Variants in TDRD9 observed in about 807,000 individuals in gnomAD.
TDRD9 encodes tudor domain containing 9.
TDRD9 carries 124 observed loss-of-function variants against 172.6 expected under a neutral mutation model. That is an observed-to-expected ratio of 0.72 (90% CI 0.62 to 0.83). TDRD9 has a LOEUF of 0.83. TDRD9 is among the 40% of genes least tolerant of loss of function. TDRD9 has a pLI of 0.00. For missense variants in TDRD9, 1,479 were observed against 1,714.1 expected (o/e 0.86, Z 2.42); for synonymous variants, 619 against 617.1 (o/e 1.00, Z -0.05).
intron 35 of TDRD9, chr14:104,049,992 C>A: frequency 3.7e-6 from 1 of 271,576 alleles, no homozygotes; most frequent in Non-Finnish European, 6.9e-6. Context: ...TGAAATGCAC[C>A]TTGGCTGTTC....
intron 22 of TDRD9, among the ~76,000 whole-genome samples, chr14:104,017,094 G>A (rs1358657026): frequency 1.3e-5 from 2 of 152,036 alleles, no homozygotes; most frequent in African/African-American, 2.4e-5. Flanking sequence ...TGGCCATCAG[G>A]TTTGACTAAG....
intron 2 of TDRD9, among the ~76,000 whole-genome samples, chr14:103,961,798 C>G (rs553906208): frequency 5.3e-5 from 8 of 151,916 alleles, no homozygotes; most frequent in Non-Finnish European, 1.0e-4. Context: ...TGTTATTAGA[C>G]CAGTTAGGAA....
At chr14:103,965,602 A>G (rs1314754109) in intron 4 of TDRD9, 48 bp downstream of exon 4, 3 of 1,458,492 alleles carry the variant, frequency 2.1e-6, no homozygotes, top group East Asian at 2.5e-5. Flanking sequence ...CTGTCTCTCT[A>G]TTCCTTAATT....
chr14:103,952,196 A>G (rs1449847676), intron 1 of TDRD9, among the ~76,000 whole-genome samples: 1,493 of 44,234 alleles, frequency 0.034, 64 homozygotes, highest in African/African-American at 0.14. Flanking sequence ...GTGTGTATAT[A>G]TATATATATA....
intron 2 of TDRD9, among the ~76,000 whole-genome samples, chr14:103,960,638 C>T (rs2032464210): frequency 6.6e-6 from 1 of 152,104 alleles, no homozygotes; most frequent in Admixed American, 6.5e-5. Flanking sequence ...TCCTGTCTGC[C>T]CTTTGGCAGT....
chr14:103,941,523 C>T, intron 1 of TDRD9: 1 of 1,535,320 alleles, frequency 6.5e-7, no homozygotes, highest in Non-Finnish European at 8.7e-7. Flanking sequence ...GTAATCCACA[C>T]CTGTTTTTTT....
chr14:103,955,865 C>T, intron 2 of TDRD9, 95 bp downstream of exon 2: 1 of 1,054,946 alleles, frequency 9.5e-7, no homozygotes, highest in Non-Finnish European at 1.4e-6. Flanking sequence ...ATTCCAGCTA[C>T]TCAGGAGGCT....
intron 1 of TDRD9, among the ~76,000 whole-genome samples, chr14:103,934,017 C>G (rs984280021): frequency 2.6e-5 from 4 of 151,932 alleles, no homozygotes; most frequent in African/African-American, 9.7e-5. Context: ...ATTTTCTGTT[C>G]ACCCACAAAA....
Position 104,042,483 on chromosome 14 carries a change from G to T in TDRD9, c.3974+296G>T, listed in dbSNP as rs567706304. Among the ~76,000 whole-genome samples, 60 of 152,212 alleles carry T rather than the reference G, an allele frequency of 3.9e-4. 1 individual carries two copies. In the South Asian group the frequency reaches 7.7e-3, roughly 20 times the overall value. On this transcript the variant is annotated intron_variant, in intron 34 of 35. Coordinates refer to ENST00000409874, the MANE Select transcript of TDRD9 (RefSeq NM_153046.3). Reference sequence around the variant, plus strand: ...CTAGTGGTGGGTGTCTTAGGGATTGGGGGAGTCCGGCTTGTAGGATTGGGC... The same window carrying T: ...CTAGTGGTGGGTGTCTTAGGGATTGTGGGAGTCCGGCTTGTAGGATTGGGC...
intron 1 of TDRD9, among the ~76,000 whole-genome samples, chr14:103,935,979 AT>A (rs200689329): frequency 2.0e-5 from 3 of 151,652 alleles, no homozygotes; most frequent in Admixed American, 6.6e-5. Flanking sequence ...AATAATAATA[AT>A]TTTTTTTTAC....
chr14:103,950,386 G>A (rs1162043635), intron 1 of TDRD9, among the ~76,000 whole-genome samples: 1 of 152,130 alleles, frequency 6.6e-6, no homozygotes, highest in Non-Finnish European at 1.5e-5. Flanking sequence ...CACCGCATAC[G>A]GCCGGTTTCT....
At chr14:104,037,389 G>A (rs1279124515) in intron 32 of TDRD9, among the ~76,000 whole-genome samples, 1 of 152,148 alleles carries the variant, frequency 6.6e-6, no homozygotes. Context: ...GGCTGTCCTG[G>A]CCCCCCTTGT....
chr14:103,986,743 A>G (rs1169690471), intron 8 of TDRD9, among the ~76,000 whole-genome samples: 1 of 152,216 alleles, frequency 6.6e-6, no homozygotes, highest in Non-Finnish European at 1.5e-5. Flanking sequence ...ATGTTCATTC[A>G]TTTAGCTGGT....
chr14:103,965,262 A>C, intron 3 of TDRD9, 71 bp from the exon 4 acceptor site: 1 of 1,356,598 alleles, frequency 7.4e-7, no homozygotes, highest in East Asian at 2.5e-5. Context: ...ATCCTGAAAG[A>C]CTTCTTAATA....
Position 103,995,771 on chromosome 14 carries a change from G to T in TDRD9, c.1342G>T (p.Ala448Ser), listed in dbSNP as rs1318137849. The T allele has an allele frequency of 9.3e-6, 15 of 1,608,818 alleles. No homozygotes were observed. Among genetic ancestry groups the T allele is most frequent in the Non-Finnish European group, 1.3e-5 (15 of 1,177,832 alleles). Residue 448 changes from alanine to serine, a missense_variant, in exon 12 of 36, where the codon GCA (alanine) becomes TCA (serine). This residue lies in a region of TDRD9 where 1,413 missense variants were observed against 1,649.1 expected (regional missense o/e 0.86). Coordinates refer to ENST00000409874, the MANE Select transcript of TDRD9 (RefSeq NM_153046.3). ...ACAGATTATTCTGTCCACCAATATT[G>T]CAGAGAGTTCTGTCACAGTTCCAGA... The part of the protein sequence containing the change: ...YRKIILSTNI[A>S]ESSVTVPDVK...
Position 104,014,821 on chromosome 14 carries a change from A to G in TDRD9, c.2203A>G (p.Lys735Glu), listed in dbSNP as rs140915747. The G allele has an allele frequency of 8.7e-6, 14 of 1,605,810 alleles. No homozygotes were observed. The African/African-American group carries it at 1.9e-4, about 21-fold the overall frequency. ...RPVMDQEYIY[K>E]QRFILQVVLA... is the part of the protein sequence containing the mutation. The stretch of plus-strand genomic sequence containing the variant: ...TGTCATGGACCAAGAGTATATATAT[A>G]AGCAGCGATTCATCCTACAGGTGTG... Residue 735 changes from lysine to glutamate, a missense_variant, in exon 21 of 36, where the codon AAG becomes GAG. Physicochemically the swap from Lys to Glu is moderately conservative, Grantham distance 56. Transcript: ENST00000409874.
intron 23 of TDRD9, among the ~76,000 whole-genome samples, chr14:104,020,885 C>G (rs1410936025): frequency 6.6e-6 from 1 of 152,106 alleles, no homozygotes; most frequent in Non-Finnish European, 1.5e-5. Context: ...CCAGCAGGCA[C>G]CTTTTGCTCC....
chr14:103,983,857 G>A (rs779129620), intron 7 of TDRD9, among the ~76,000 whole-genome samples: 3 of 152,236 alleles, frequency 2.0e-5, no homozygotes, highest in Non-Finnish European at 4.4e-5. Context: ...CTAGAGACTT[G>A]TTGAATGGCT....
intron 28 of TDRD9, among the ~76,000 whole-genome samples, chr14:104,029,242 A>C (rs912591572): frequency 6.6e-6 from 1 of 152,060 alleles, no homozygotes; most frequent in African/African-American, 2.4e-5. Context: ...TTTTGATTGG[A>C]GTTGCATTGA....
Sources: allele counts gnomAD v4.1 joint callset (sites outside exome capture counted in the v4.1 genomes callset), GRCh38; gene constraint gnomAD v4.1.1; regional missense constraint gnomAD v4.1.1; transcripts MANE v1.5; gene names NCBI Gene and HGNC (gene_info 2026-07-23, HGNC 2026-07-21).